The following SPIRE2 variants were observed in gnomAD, a reference collection of about 807,000 sequenced individuals.
The protein encoded by SPIRE2 is spire type actin nucleation factor 2, also known as protein spire homolog 2.
Under a neutral mutation model 80.7 loss-of-function variants are expected in SPIRE2, and 76 were observed. That is an observed-to-expected ratio of 0.94 (90% confidence interval 0.78 to 1.14). The LOEUF (loss-of-function observed/expected upper bound fraction) is 1.14. Among genes scored for constraint, SPIRE2 ranks in the 50% most tolerant of loss-of-function variants. The pLI is 0.00. For missense variants in SPIRE2, 1,196 were observed against 1,015.3 expected, an observed-to-expected ratio of 1.18 and a Z score of -2.42; for synonymous variants, 535 against 432.6, an observed-to-expected ratio of 1.24 and a Z score of -2.94.
chr16:89,869,672 G>C lies in SPIRE2; in HGVS notation c.1912G>C (p.Asp638His), dbSNP rs368725035. 6.8e-6 allele frequency: 11 copies of C among 1,613,380 alleles called. No individual in the cohort carries two copies. The African/African-American group carries it at 1.5e-4, about 22-fold the overall frequency. ...AAKTAPIQRRDIFQSLQGPQW... is the reference protein window; with the variant it reads ...AAKTAPIQRRHIFQSLQGPQW... Reference sequence around the variant, plus strand: ...CAAAACCGCGCCAATCCAGAGAAGAGACATCTTTCAGTGCGTTCTTCGCCT... The same window carrying C: ...CAAAACCGCGCCAATCCAGAGAAGACACATCTTTCAGTGCGTTCTTCGCCT... Residue 638 changes from aspartate (D) to histidine (H), a missense_variant, in exon 14 of 15, where the codon GAC becomes CAC. Physicochemically the swap from Asp to His is moderately conservative, Grantham distance 81. Coordinates refer to ENST00000378247, the MANE Select transcript of SPIRE2 (RefSeq NM_032451.2).
chr16:89,856,415 G>T (rs1358687113), intron 7 of SPIRE2, among the ~76,000 whole-genome samples, 179 bp downstream of exon 7: 1 of 152,020 alleles, frequency 6.6e-6, no homozygotes, highest in Non-Finnish European at 1.5e-5. Flanking sequence ...ATTACTTGGG[G>T]ATAAAAAATT....
chr16:89,866,359 G>A (rs576195640), intron 12 of SPIRE2, among the ~76,000 whole-genome samples: 29 of 151,960 alleles, frequency 1.9e-4, no homozygotes, highest in African/African-American at 6.5e-4. Context: ...GTGCAATGCC[G>A]CGATCTCAGC....
At chr16:89,869,045 A>AAAAAAAAAAAC (rs2041813753) in intron 13 of SPIRE2, among the ~76,000 whole-genome samples, 1 of 37,202 alleles carries the variant, frequency 2.7e-5, no homozygotes, top group African/African-American at 1.7e-4. Context: ...AAAAAAAAAA[A>AAAAAAAAAAAC]AAAAAAAAAT....
At chr16:89,851,340 C>A (rs8048721) in intron 3 of SPIRE2, among the ~76,000 whole-genome samples, 1 of 152,242 alleles carries the variant, frequency 6.6e-6, no homozygotes, top group African/African-American at 2.4e-5. Flanking sequence ...CCCCTCTATA[C>A]GCAGGAACCA....
chr16:89,835,176 A>T (rs1598216714), intron 1 of SPIRE2, among the ~76,000 whole-genome samples: 1 of 143,688 alleles, frequency 7.0e-6, no homozygotes, highest in African/African-American at 3.0e-5. Context: ...AGCGTGGATA[A>T]GCATAGCCCG....
In SPIRE2 at chr16:89,863,977, CTGA is replaced by C. The variant is rs2041767399; in HGVS notation, c.1778+120_1778+122del. 1.4e-6 allele frequency: 1 copy of C among 704,854 alleles called. No homozygotes were observed. 43.7% of individuals were successfully genotyped at this position (704,854 alleles called of 1,614,324 possible). A position where few individuals can be genotyped will look rare whatever the true frequency, so the allele number is the denominator to read the frequency against. ...AGGAATGTTCTAGCATGTTCGATGG[CTGA>C]TGAGTCCACAAGATATGGTTAGTAC... On this transcript the variant is annotated intron_variant, in intron 12 of 14. Transcript: ENST00000378247. The surrounding 1 kb of genome is among the most constrained non-coding windows in gnomAD (Gnocchi z 4.3).
rs376390692 is a variant in SPIRE2 at position 89,860,837 on chromosome 16, C to T, written c.1575+42C>T. The T allele has an allele frequency of 1.1e-5, 14 of 1,264,628 alleles. No homozygotes were observed. In the African/African-American group the frequency reaches 1.3e-4, roughly 11 times the overall value. 78.3% of individuals were successfully genotyped at this position (1,264,628 alleles called of 1,614,324 possible). On this transcript the variant is annotated intron_variant, in intron 10 of 14. Coordinates refer to ENST00000378247, the MANE Select transcript of SPIRE2 (RefSeq NM_032451.2). ...TTGTCGTCCAGGGCGGCCCAGGGGG[C>T]GTCTTTGCACCCACCTTCCCGCCGC... is the stretch of plus-strand genomic sequence containing the variant.
rs745687409 is a variant in SPIRE2 at position 89,850,542 on chromosome 16, C to T, written c.527C>T (p.Ala176Val). 22 of 1,513,118 alleles carry T rather than the reference C, an allele frequency of 1.5e-5. No individual in the cohort carries two copies. Among genetic ancestry groups the T allele is most frequent in the Non-Finnish European group, 1.8e-5 (20 of 1,135,544 alleles). The allele number at this position is 1,513,118 out of a possible 1,614,324, so 93.7% of individuals were successfully genotyped here. Reference sequence around the variant, plus strand: ...TTTGCCCAGGCCATGCGGCTGTGCGCGGCGCGGCTGACCGACCCCCGGGGC... The same window carrying T: ...TTTGCCCAGGCCATGCGGCTGTGCGTGGCGCGGCTGACCGACCCCCGGGGC... ...RTFAQAMRLC[A>V]ARLTDPRGAQ... Residue 176 changes from alanine to valine, a missense_variant, in exon 3 of 15, where the codon GCG becomes GTG. By Grantham distance (64) the Ala-to-Val change is moderately conservative. Transcript: ENST00000378247.
chr16:89,830,114 GCTC>G (rs1352318701), intron 1 of SPIRE2, among the ~76,000 whole-genome samples: 3 of 151,254 alleles, frequency 2.0e-5, no homozygotes, highest in Non-Finnish European at 4.4e-5. Flanking sequence ...AGAATCCAGA[GCTC>G]CTCATTTGTC....
intron 12 of SPIRE2, among the ~76,000 whole-genome samples, chr16:89,865,516 A>T (rs907283363): frequency 2.0e-5 from 3 of 152,222 alleles, no homozygotes; most frequent in Admixed American, 6.5e-5. Context: ...AACAGTAATT[A>T]ATCCAAAAAA....
Position 89,854,552 on chromosome 16 carries a change from GC to G in SPIRE2, c.793del (p.Gln265ArgfsTer18). The G allele has an allele frequency of 6.2e-7, 1 of 1,612,788 alleles. No homozygotes were observed. On this transcript the variant is annotated frameshift_variant, in exon 5 of 15. Coordinates refer to ENST00000378247, the MANE Select transcript of SPIRE2 (RefSeq NM_032451.2). LOFTEE classifies it high-confidence loss of function. ...RGVKLKKVQEQEFNPLPTEFQ... is the reference protein window; with the variant it reads ...RGVKLKKVQEXEFNPLPTEFQ... ...GAGTGAAGCTGAAGAAGGTGCAAGA[GC>G]AGGAGTTCAACCCCCTCCCCACCGA...
chr16:89,863,978 T>C lies in SPIRE2; in HGVS notation c.1778+117T>C. 1 of 705,474 alleles carries C rather than the reference T, an allele frequency of 1.4e-6. No homozygotes were observed. Among genetic ancestry groups the C allele is most frequent in the Non-Finnish European group, 2.5e-6 (1 of 405,392 alleles). 43.7% of individuals were successfully genotyped at this position (705,474 alleles called of 1,614,324 possible). ...GGAATGTTCTAGCATGTTCGATGGC[T>C]GATGAGTCCACAAGATATGGTTAGT... On this transcript the variant is annotated intron_variant, in intron 12 of 14. Coordinates refer to ENST00000378247, the MANE Select transcript of SPIRE2 (RefSeq NM_032451.2). The surrounding 1 kb of genome is among the most constrained non-coding windows in gnomAD (Gnocchi z 4.3).
intron 1 of SPIRE2, among the ~76,000 whole-genome samples, chr16:89,840,471 G>A (rs190295257): frequency 2.7e-5 from 4 of 150,598 alleles, no homozygotes; most frequent in Non-Finnish European, 5.9e-5. Flanking sequence ...GGATGGTTTC[G>A]ATCTCCTGAC....
rs138881203 is a variant in SPIRE2, at chr16:89,859,697, G to A, written c.1462+343G>A. Among the ~76,000 whole-genome samples, 22 of 152,300 alleles carry A rather than the reference G, an allele frequency of 1.4e-4. No homozygotes were observed. In the East Asian group the frequency reaches 3.9e-3, roughly 27 times the overall value. Reference sequence around the variant, plus strand: ...CCTCTGGGAAGGGAGCCGTGTGTCCGTGGGGAGCCGGCTGGGCTCGCAGCA... The same window carrying A: ...CCTCTGGGAAGGGAGCCGTGTGTCCATGGGGAGCCGGCTGGGCTCGCAGCA... On this transcript the variant is annotated intron_variant, in intron 9 of 14. Transcript: ENST00000378247.
chr16:89,831,354 G>GT (rs1236394041), intron 1 of SPIRE2, among the ~76,000 whole-genome samples: 1 of 146,498 alleles, frequency 6.8e-6, no homozygotes, highest in African/African-American at 2.5e-5. Context: ...TTTTTTGAAT[G>GT]TTTTTTCTTG....
intron 2 of SPIRE2, among the ~76,000 whole-genome samples, chr16:89,849,282 G>A (rs1430006727): frequency 6.6e-6 from 1 of 152,262 alleles, no homozygotes; most frequent in Non-Finnish European, 1.5e-5. Flanking sequence ...AGAGCTGAGA[G>A]AGGGGCCATG....
rs1419248400 is a variant in SPIRE2 at position 89,856,211 on chromosome 16, G to A, written c.1077G>A (p.Val359=). ...AGCAGGAGCGGAGGCTGCGCCCGGTGCGGGGCGAGGGCTGGGCTGCCCGCG... is the reference window on the plus strand; with the variant it reads ...AGCAGGAGCGGAGGCTGCGCCCGGTACGGGGCGAGGGCTGGGCTGCCCGCG... ...EIKQERRLRP[V]RGEGWAARGF... Residue 359 remains valine, a synonymous_variant, in exon 7 of 15, where the codon GTG becomes GTA. Coordinates refer to ENST00000378247, the MANE Select transcript of SPIRE2 (RefSeq NM_032451.2). The A allele has an allele frequency of 3.1e-6, 5 of 1,590,208 alleles. No homozygotes were observed. Among genetic ancestry groups the A allele is most frequent in the Non-Finnish European group, 4.3e-6 (5 of 1,169,732 alleles).
At chr16:89,834,348 C>G (rs2041420602) in intron 1 of SPIRE2, among the ~76,000 whole-genome samples, 2 of 139,026 alleles carry the variant, frequency 1.4e-5, no homozygotes, top group African/African-American at 2.6e-5. Flanking sequence ...GTGAACCTGC[C>G]TGTGCTCACG....
chr16:89,844,494 A>AC (rs2041538490), intron 1 of SPIRE2, among the ~76,000 whole-genome samples: 1 of 149,886 alleles, frequency 6.7e-6, no homozygotes, highest in Non-Finnish European at 1.5e-5. Context: ...GCTGGAGTGC[A>AC]GTGGTGCAAT....
Sources: allele counts gnomAD v4.1 joint callset (sites outside exome capture counted in the v4.1 genomes callset), GRCh38; gene constraint gnomAD v4.1.1; non-coding constraint Gnocchi (gnomAD v3.1); transcripts MANE v1.5; gene names NCBI Gene and HGNC (gene_info 2026-07-23, HGNC 2026-07-21).